TBL1XR1: variants seen among roughly 807,000 people sequenced by gnomAD.
The protein encoded by TBL1XR1 is TBL1X/Y related 1, also known as F-box-like/WD repeat-containing protein TBL1XR1.
TBL1XR1 carries 5 observed loss-of-function variants against 66.9 expected under a neutral mutation model. The ratio of observed to expected loss-of-function variants is 0.07; its 90% CI spans 0.04 to 0.16. The LOEUF (loss-of-function observed/expected upper bound fraction) is 0.16, where lower values mean the gene tolerates loss of function less well. Ranked by LOEUF, TBL1XR1 falls within the 10% of genes least tolerant of loss-of-function variation. TBL1XR1 has a pLI of 1.00. For missense variants in TBL1XR1, 238 were observed against 623.2 expected (o/e 0.38, Z 6.58); for synonymous variants, 210 against 206.0 (o/e 1.02, Z -0.17).
chr3:177,090,761 A>G (rs1269020469), intron 2 of TBL1XR1, among the ~76,000 whole-genome samples: 1 of 152,166 alleles, frequency 6.6e-6, no homozygotes, highest in Non-Finnish European at 1.5e-5. Context: ...CAGTGAGCCA[A>G]GATCACGCCA....
intron 2 of TBL1XR1, among the ~76,000 whole-genome samples, chr3:177,067,871 A>C (rs1205576885): frequency 6.6e-6 from 1 of 152,224 alleles, no homozygotes; most frequent in Non-Finnish European, 1.5e-5. Flanking sequence ...TAGCCAAATG[A>C]ACGCTCTAGG....
chr3:177,191,890 C>T (rs185513366), intron 1 of TBL1XR1, among the ~76,000 whole-genome samples: 82 of 144,516 alleles, frequency 5.7e-4, no homozygotes, highest in Admixed American at 1.1e-3. Flanking sequence ...GTCAGGAGTT[C>T]GAGACCAGCC....
chr3:177,151,735 G>A (rs1577322025), intron 1 of TBL1XR1, among the ~76,000 whole-genome samples: 2 of 152,150 alleles, frequency 1.3e-5, no homozygotes, highest in African/African-American at 4.8e-5. Context: ...CATCACCCAA[G>A]GATAAAAAGA....
In TBL1XR1 at chr3:177,175,785, G is replaced by A. The variant is rs909230566; in HGVS notation, c.-122+21336C>T. Among the ~76,000 whole-genome samples, 7 of 152,228 alleles carry A rather than the reference G, an allele frequency of 4.6e-5. No individual in the cohort carries two copies. In the East Asian group the frequency reaches 1.2e-3, roughly 25 times the overall value. On this transcript the variant is annotated intron_variant, in intron 1 of 15. Coordinates refer to ENST00000457928, the MANE Select transcript of TBL1XR1 (RefSeq NM_024665.7). Reference sequence around the variant, plus strand: ...AAATAATAAGTTATTCAGGCCAGGCGCGGTGGCTCATGCCTGTAATCCTAG... The same window carrying A: ...AAATAATAAGTTATTCAGGCCAGGCACGGTGGCTCATGCCTGTAATCCTAG...
At chr3:177,141,534 T>C (rs1160065162) in intron 1 of TBL1XR1, among the ~76,000 whole-genome samples, 1 of 152,218 alleles carries the variant, frequency 6.6e-6, no homozygotes, top group Non-Finnish European at 1.5e-5. Flanking sequence ...CACCTGAAAG[T>C]GCATAAAAAC....
chr3:177,137,691 C>T (rs759858330), intron 1 of TBL1XR1, among the ~76,000 whole-genome samples: 3 of 151,942 alleles, frequency 2.0e-5, no homozygotes, highest in Non-Finnish European at 4.4e-5. Context: ...AATAAAAGGC[C>T]AGGGTCCTCG....
intron 1 of TBL1XR1, among the ~76,000 whole-genome samples, chr3:177,150,629 CTTACCATTTCTTGGTAGTA>C (rs959977775): frequency 6.6e-6 from 1 of 152,188 alleles, no homozygotes; most frequent in Non-Finnish European, 1.5e-5. Context: ...TAGAATGTTT[CTTACCATTTCTTGGTAGTA>C]TTCCCAGCTC....
intron 2 of TBL1XR1, among the ~76,000 whole-genome samples, chr3:177,092,264 C>T (rs906963169): frequency 4.6e-5 from 7 of 152,098 alleles, no homozygotes; most frequent in African/African-American, 1.7e-4. Context: ...CCACCCCAAC[C>T]TCCCAAAATA....
chr3:177,080,871 A>T (rs901633389), intron 2 of TBL1XR1, among the ~76,000 whole-genome samples: 1 of 152,166 alleles, frequency 6.6e-6, no homozygotes, highest in African/African-American at 2.4e-5. Context: ...TCTACTTTAT[A>T]TTTATTTGTT....
chr3:177,154,228 C>G (rs1731232152), intron 1 of TBL1XR1, among the ~76,000 whole-genome samples: 1 of 151,962 alleles, frequency 6.6e-6, no homozygotes, highest in Non-Finnish European at 1.5e-5. Flanking sequence ...TAAGGAAGCT[C>G]TAAGTATAAT....
intron 2 of TBL1XR1, among the ~76,000 whole-genome samples, chr3:177,087,250 A>G (rs957354560): frequency 5.3e-5 from 8 of 152,072 alleles, no homozygotes; most frequent in African/African-American, 1.7e-4. Flanking sequence ...AAACTAATCA[A>G]AATGGTTTTT....
At chr3:177,117,419 T>G (rs1279488604) in intron 1 of TBL1XR1, among the ~76,000 whole-genome samples, 1 of 152,218 alleles carries the variant, frequency 6.6e-6, no homozygotes. Flanking sequence ...AATAGTACCT[T>G]TATTTTGGTA....
intron 1 of TBL1XR1, among the ~76,000 whole-genome samples, chr3:177,119,412 T>C (rs1014001788): frequency 2.0e-5 from 3 of 152,196 alleles, no homozygotes; most frequent in Non-Finnish European, 4.4e-5. Flanking sequence ...TTCCAATCGA[T>C]GGCTGGATTC....
chr3:177,108,689 A>C (rs1725181014), intron 1 of TBL1XR1, among the ~76,000 whole-genome samples: 1 of 152,212 alleles, frequency 6.6e-6, no homozygotes, highest in Non-Finnish European at 1.5e-5. Context: ...GAACAAAAAG[A>C]ATCAACTCCC....
At chr3:177,093,905 T>C (rs1226741153) in intron 2 of TBL1XR1, among the ~76,000 whole-genome samples, 1 of 152,130 alleles carries the variant, frequency 6.6e-6, no homozygotes, top group Non-Finnish European at 1.5e-5. Flanking sequence ...TTCTAGACAC[T>C]AGCTTGGGCA....
intron 1 of TBL1XR1, among the ~76,000 whole-genome samples, chr3:177,187,829 C>CT (rs1294792585): frequency 6.9e-6 from 1 of 144,910 alleles, no homozygotes; most frequent in Non-Finnish European, 1.5e-5. Flanking sequence ...ATCAAATAGA[C>CT]TGACACCTAG....
rs774986018 is a variant in TBL1XR1 at position 177,034,150 on chromosome 3, C to A, written c.1250+48G>T. The A allele has an allele frequency of 1.9e-6, 3 of 1,541,488 alleles. 1 individual carries two copies. In the South Asian group the frequency reaches 3.9e-5, roughly 20 times the overall value. On this transcript the variant is annotated intron_variant, in intron 13 of 15. Coordinates refer to ENST00000457928, the MANE Select transcript of TBL1XR1 (RefSeq NM_024665.7). ...AACTTCTGTCATATCTATTGGAAGT[C>A]TGATTTGTAGAAGACTCATAAAAGG...
At chr3:177,137,241 C>T (rs1051924401) in intron 1 of TBL1XR1, among the ~76,000 whole-genome samples, 17 of 152,324 alleles carry the variant, frequency 1.1e-4, no homozygotes, top group Admixed American at 1.1e-3. Flanking sequence ...GCCTGTAATC[C>T]CAGCACTTTG....
intron 3 of TBL1XR1, among the ~76,000 whole-genome samples, chr3:177,062,106 A>G (rs1311430735): frequency 6.6e-6 from 1 of 152,122 alleles, no homozygotes; most frequent in Non-Finnish European, 1.5e-5. Context: ...AAGACATAAA[A>G]ACGCCTCATT....
Sources: allele counts gnomAD v4.1 joint callset (sites outside exome capture counted in the v4.1 genomes callset), GRCh38; gene constraint gnomAD v4.1.1; transcripts MANE v1.5; gene names NCBI Gene and HGNC (gene_info 2026-07-23, HGNC 2026-07-21).